The following RASEF variants were observed in gnomAD, a reference collection of about 807,000 sequenced individuals.
RASEF encodes RAS and EF-hand domain containing.
RASEF carries 68 observed loss-of-function variants against 90.1 expected under a neutral mutation model. The ratio of observed to expected loss-of-function variants is 0.75; its 90% CI spans 0.62 to 0.92. The LOEUF is 0.92. RASEF is among the 40% of genes least tolerant of loss of function. RASEF has a pLI of 0.00. For synonymous variants in RASEF, 331 were observed against 345.2 expected, an observed-to-expected ratio of 0.96 and a Z score of 0.46; for missense variants, 949 against 937.2, an observed-to-expected ratio of 1.01 and a Z score of -0.16.
chr9:83,150,636 A>G, the RASEF span, among the ~76,000 whole-genome samples: 4 of 152,226 alleles, frequency 2.6e-5, no homozygotes, highest in Non-Finnish European at 4.4e-5. Context: ...ATTTAACTTT[A>G]GTAAATCACT....
At chr9:83,164,289 G>A in the RASEF span, among the ~76,000 whole-genome samples, 1 of 147,054 alleles carries the variant, frequency 6.8e-6, no homozygotes. Context: ...ACAGATAATA[G>A]TCCGTTCAAA....
intron 3 of RASEF, among the ~76,000 whole-genome samples, chr9:83,021,533 A>G (rs1219192235): frequency 1.3e-5 from 2 of 152,204 alleles, no homozygotes; most frequent in East Asian, 1.9e-4. Flanking sequence ...TCAACTTTAA[A>G]TGGTTCCTAT....
intron 1 of RASEF, among the ~76,000 whole-genome samples, chr9:83,053,302 C>T (rs1295327992): frequency 1.4e-5 from 1 of 73,466 alleles, no homozygotes; most frequent in Non-Finnish European, 2.4e-5. Context: ...TATGTAATGG[C>T]CTTCTTTGTA....
At chr9:83,020,472 G>T (rs1386415365) in intron 3 of RASEF, among the ~76,000 whole-genome samples, 1 of 152,194 alleles carries the variant, frequency 6.6e-6, no homozygotes, top group Non-Finnish European at 1.5e-5. Context: ...GTGTGAGGCG[G>T]ACACTAGGAT....
chr9:83,112,964 A>T, the RASEF span, among the ~76,000 whole-genome samples: 3 of 152,192 alleles, frequency 2.0e-5, no homozygotes, highest in Non-Finnish European at 2.9e-5. Flanking sequence ...ATTCTAATTT[A>T]AAAAATTGTT....
intron 3 of RASEF, 141 bp downstream of exon 3, chr9:83,022,195 T>C: frequency 1.5e-6 from 1 of 664,280 alleles, no homozygotes; most frequent in Non-Finnish European, 2.7e-6. Flanking sequence ...CCACCACCAG[T>C]AAAAATTCCT....
chr9:82,988,667 C>T (rs1320381861), intron 16 of RASEF, among the ~76,000 whole-genome samples: 3 of 151,936 alleles, frequency 2.0e-5, no homozygotes, highest in African/African-American at 4.8e-5. Flanking sequence ...AAGAGAGTAG[C>T]CCCTCCCCTC....
intron 1 of RASEF, among the ~76,000 whole-genome samples, chr9:83,057,686 C>G (rs1222779808): frequency 6.6e-6 from 1 of 152,052 alleles, no homozygotes; most frequent in Non-Finnish European, 1.5e-5. Context: ...ACCCTTGAAC[C>G]TCATCTAGGA....
At chr9:83,212,205 T>C in the RASEF span, among the ~76,000 whole-genome samples, 1 of 152,226 alleles carries the variant, frequency 6.6e-6, no homozygotes, top group Non-Finnish European at 1.5e-5. Flanking sequence ...ATAGGTTAAG[T>C]AACTTGCCCA....
chr9:83,155,356 C>T, the RASEF span, among the ~76,000 whole-genome samples: 2 of 152,124 alleles, frequency 1.3e-5, no homozygotes, highest in Non-Finnish European at 2.9e-5. Context: ...AATGGACTCA[C>T]AGTTCCATGA....
chr9:83,110,156 G>A, the RASEF span, among the ~76,000 whole-genome samples: 4 of 152,186 alleles, frequency 2.6e-5, no homozygotes, highest in Non-Finnish European at 4.4e-5. Context: ...TTCAGCCTAT[G>A]CAAAGCGGCC....
intron 9 of RASEF, among the ~76,000 whole-genome samples, chr9:83,003,224 C>A (rs948708026): frequency 2.6e-5 from 4 of 152,074 alleles, no homozygotes; most frequent in Non-Finnish European, 2.9e-5. Context: ...AATCACCCCC[C>A]CACACACACC....
the RASEF span, among the ~76,000 whole-genome samples, chr9:83,146,845 G>C: frequency 1.3e-5 from 2 of 152,020 alleles, no homozygotes; most frequent in African/African-American, 4.8e-5. Context: ...CCAGCAACTG[G>C]ATGAGAGTGA....
chr9:83,172,540 G>A, the RASEF span, among the ~76,000 whole-genome samples: 2 of 150,672 alleles, frequency 1.3e-5, no homozygotes, highest in African/African-American at 2.4e-5. Flanking sequence ...CTATTAATGG[G>A]TTTTTGCTTT....
the RASEF span, among the ~76,000 whole-genome samples, chr9:83,144,392 G>GA: frequency 0.014 from 49 of 3,458 alleles, 1 homozygote; most frequent in South Asian, 0.046. Context: ...AGAAAGAAAG[G>GA]AAAGAAAGAA....
the RASEF span, among the ~76,000 whole-genome samples, chr9:83,196,471 T>G: frequency 6.6e-6 from 1 of 152,200 alleles, no homozygotes; most frequent in African/African-American, 2.4e-5. Flanking sequence ...ACAGCAGCCT[T>G]GTACACCCCA....
the RASEF span, among the ~76,000 whole-genome samples, chr9:83,188,216 G>T: frequency 6.6e-6 from 1 of 152,152 alleles, no homozygotes; most frequent in African/African-American, 2.4e-5. Flanking sequence ...AGGTTAGGTG[G>T]ATTGATGAAC....
At chr9:82,991,893 G>T (rs1828822096) in intron 15 of RASEF, among the ~76,000 whole-genome samples, 1 of 152,202 alleles carries the variant, frequency 6.6e-6, no homozygotes, top group Non-Finnish European at 1.5e-5. Context: ...TTTAACATCT[G>T]TCTCCCTCAG....
At chr9:83,108,992 T>C in the RASEF span, among the ~76,000 whole-genome samples, 1 of 152,174 alleles carries the variant, frequency 6.6e-6, no homozygotes, top group East Asian at 1.9e-4. Context: ...GTCTCTAGCA[T>C]CAATATTGAA....
Sources: gnomAD v4.1 joint callset for allele counts (sites outside exome capture counted in the v4.1 genomes callset) on GRCh38, gnomAD v4.1.1 for gene constraint, MANE v1.5 for transcripts, NCBI Gene and HGNC (gene_info 2026-07-23, HGNC 2026-07-21) for gene names.